GRM1: variants seen among roughly 807,000 people sequenced by gnomAD.
GRM1 encodes glutamate metabotropic receptor 1, also known as metabotropic glutamate receptor 1.
GRM1 carries 33 observed loss-of-function variants against 90.9 expected under a neutral mutation model. The observed-to-expected ratio is 0.36, with a 90% confidence interval of 0.28 to 0.49. The LOEUF (loss-of-function observed/expected upper bound fraction) is 0.49, where lower values mean the gene tolerates loss of function less well. Ranked by LOEUF, GRM1 falls within the 20% of genes least tolerant of loss-of-function variation. The pLI is 0.99. For synonymous variants in GRM1, 700 were observed against 613.2 expected (o/e 1.14, Z -2.09); for missense variants, 1,190 against 1,534.3 (o/e 0.78, Z 3.75).
At chr6:146,414,637 T>C (rs149464600) in intron 7 of GRM1, among the ~76,000 whole-genome samples, 1,964 of 152,214 alleles carry the variant, frequency 0.013, 47 homozygotes, top group African/African-American at 0.045. Context: ...CTCCTGACCT[T>C]GTGATCCGCC....
intron 6 of GRM1, among the ~76,000 whole-genome samples, chr6:146,395,675 T>C (rs1394698606): frequency 6.6e-6 from 1 of 152,154 alleles, no homozygotes; most frequent in African/African-American, 2.4e-5. Context: ...AATTATTAAC[T>C]ATAGGTCTTA....
Position 146,186,005 on chromosome 6 carries a change from G to A in GRM1, c.950+26408G>A, listed in dbSNP as rs182015706. Among the ~76,000 whole-genome samples, 4 of 150,894 alleles carry A rather than the reference G, an allele frequency of 2.7e-5. No homozygotes were observed. In the East Asian group the frequency reaches 7.8e-4, roughly 29 times the overall value. Reference sequence around the variant, plus strand: ...GCCCTGTCACCCAGGCTGAAGTGCAGTGGTGTGATCCTGGCTCACTACAAC... The same window carrying A: ...GCCCTGTCACCCAGGCTGAAGTGCAATGGTGTGATCCTGGCTCACTACAAC... On this transcript the variant is annotated intron_variant, in intron 2 of 7. Coordinates refer to ENST00000282753, the MANE Select transcript of GRM1 (RefSeq NM_001278064.2).
chr6:146,377,770 A>G (rs1206163847), intron 5 of GRM1, among the ~76,000 whole-genome samples: 2 of 152,126 alleles, frequency 1.3e-5, no homozygotes, highest in African/African-American at 2.4e-5. Flanking sequence ...GCCTAGGAGG[A>G]AAAAAAGGCT....
Position 146,133,774 on chromosome 6 carries a change from C to T in GRM1, c.701-25574C>T, listed in dbSNP as rs559463429. 1.2e-4 allele frequency among the ~76,000 whole-genome samples: 19 copies of T among 152,312 alleles called. No homozygotes were observed. The South Asian group carries it at 1.7e-3, about 13-fold the overall frequency. ...AGCCCTCACCTCCTTGGCAACATGACGCCTCAGCTGCCTGCTGCCTTCAGA... is the reference window on the plus strand; with the variant it reads ...AGCCCTCACCTCCTTGGCAACATGATGCCTCAGCTGCCTGCTGCCTTCAGA... On this transcript the variant is annotated intron_variant, in intron 1 of 7. Coordinates refer to ENST00000282753, the MANE Select transcript of GRM1 (RefSeq NM_001278064.2).
intron 5 of GRM1, among the ~76,000 whole-genome samples, chr6:146,383,342 A>C (rs749937091): frequency 7.9e-5 from 12 of 152,138 alleles, no homozygotes; most frequent in Non-Finnish European, 1.6e-4. Context: ...GAATTTGTCT[A>C]ATTAGCAGTA....
intron 5 of GRM1, among the ~76,000 whole-genome samples, chr6:146,382,584 G>A (rs1334810667): frequency 1.3e-5 from 2 of 152,064 alleles, no homozygotes; most frequent in African/African-American, 2.4e-5. Context: ...AAGGTAATAT[G>A]CATTTAAGCA....
chr6:146,408,132 A>G (rs145021151), intron 7 of GRM1, among the ~76,000 whole-genome samples: 168 of 152,206 alleles, frequency 1.1e-3, no homozygotes, highest in Non-Finnish European at 2.1e-3. Flanking sequence ...TTCTCATTGT[A>G]TCCTCACATG....
intron 1 of GRM1, among the ~76,000 whole-genome samples, chr6:146,095,518 G>A (rs1179896185): frequency 1.3e-5 from 2 of 152,080 alleles, no homozygotes; most frequent in African/African-American, 2.4e-5. Context: ...GCTCTGTGAA[G>A]CTAGAAATAG....
chr6:146,283,302 A>G (rs922275189), intron 2 of GRM1, among the ~76,000 whole-genome samples: 1 of 152,200 alleles, frequency 6.6e-6, no homozygotes, highest in African/African-American at 2.4e-5. Flanking sequence ...AATCAGCCAG[A>G]TACAAGCCCC....
At chr6:146,191,238 A>G (rs1021359770) in intron 2 of GRM1, among the ~76,000 whole-genome samples, 6 of 151,976 alleles carry the variant, frequency 3.9e-5, no homozygotes, top group Non-Finnish European at 5.9e-5. Flanking sequence ...TGGCATTACC[A>G]TGGGTGTCTT....
At chr6:146,181,289 A>C (rs1051275339) in intron 2 of GRM1, among the ~76,000 whole-genome samples, 1 of 152,116 alleles carries the variant, frequency 6.6e-6, no homozygotes, top group South Asian at 2.1e-4. Flanking sequence ...TTCTCCAAAG[A>C]GTAATGGTGA....
chr6:146,031,910 T>G (rs1790721234), intron 1 of GRM1, among the ~76,000 whole-genome samples: 1 of 152,128 alleles, frequency 6.6e-6, no homozygotes, highest in Non-Finnish European at 1.5e-5. Flanking sequence ...TTTCCCCCAT[T>G]GAGCTAGATA....
chr6:146,031,473 T>A (rs772211689), intron 1 of GRM1, among the ~76,000 whole-genome samples: 4 of 152,156 alleles, frequency 2.6e-5, no homozygotes, highest in African/African-American at 4.8e-5. Context: ...ATTATATGGT[T>A]ATCATTATTG....
chr6:146,327,101 C>G (rs557517979), intron 3 of GRM1, among the ~76,000 whole-genome samples: 1 of 152,074 alleles, frequency 6.6e-6, no homozygotes, highest in African/African-American at 2.4e-5. Context: ...AGTTTTGATA[C>G]GTTATTAACT....
At chr6:146,299,212 A>G (rs562996515) in intron 2 of GRM1, among the ~76,000 whole-genome samples, 123 of 152,072 alleles carry the variant, frequency 8.1e-4, no homozygotes, top group Non-Finnish European at 1.5e-3. Context: ...CTATTACGTG[A>G]CTCTTTAAAA....
At chr6:146,216,988 T>C (rs1178371753) in intron 2 of GRM1, among the ~76,000 whole-genome samples, 1 of 152,120 alleles carries the variant, frequency 6.6e-6, no homozygotes, top group Non-Finnish European at 1.5e-5. Flanking sequence ...TGAACAAAGA[T>C]TATTTATTGA....
chr6:146,122,487 C>A (rs929775256), intron 1 of GRM1, among the ~76,000 whole-genome samples: 4 of 152,114 alleles, frequency 2.6e-5, no homozygotes, highest in Middle Eastern at 3.4e-3. Flanking sequence ...TTATGAATTT[C>A]TTCATCATTT....
chr6:146,225,791 A>C (rs889266611), intron 2 of GRM1, among the ~76,000 whole-genome samples: 3 of 152,142 alleles, frequency 2.0e-5, no homozygotes, highest in Admixed American at 6.6e-5. Context: ...AATAATAGAA[A>C]TTTTATGTAA....
intron 2 of GRM1, among the ~76,000 whole-genome samples, chr6:146,290,179 T>A (rs1782926728): frequency 6.6e-6 from 1 of 152,162 alleles, no homozygotes; most frequent in Admixed American, 6.5e-5. Context: ...TATTCGGTCA[T>A]ACAAGGGGCT....
Sources: allele counts gnomAD v4.1 joint callset (sites outside exome capture counted in the v4.1 genomes callset), GRCh38; gene constraint gnomAD v4.1.1; transcripts MANE v1.5; gene names NCBI Gene and HGNC (gene_info 2026-07-23, HGNC 2026-07-21).